Variants in ANK3 observed in about 807,000 individuals in gnomAD.
ANK3 encodes the protein ankyrin 3, also known as ankyrin-3.
Under a neutral mutation model 370.9 loss-of-function variants are expected in ANK3, and 57 were observed. The ratio of observed to expected loss-of-function variants is 0.15; its 90% CI spans 0.12 to 0.19. The LOEUF is 0.19. Ranked by LOEUF, ANK3 falls within the 10% of genes least tolerant of loss-of-function variation. The pLI, the probability that ANK3 is intolerant of heterozygous loss-of-function variation, is 1.00. For missense variants in ANK3, 4,439 were observed against 5,302.1 expected, an observed-to-expected ratio of 0.84 and a Z score of 5.06; for synonymous variants, 1,929 against 1,946.3, an observed-to-expected ratio of 0.99 and a Z score of 0.23.
In ANK3 at chr10:60,071,803, G is replaced by A. The variant is rs984372564; in HGVS notation, c.9078C>T (p.Ser3026=). 2 of 1,609,536 alleles carry A rather than the reference G, an allele frequency of 1.2e-6. No individual in the cohort carries two copies. The highest frequency in any genetic ancestry group is 1.1e-5 in the South Asian group (1 of 90,302). Reference sequence around the variant, plus strand: ...ATAAACCTACATAACTCTGGTGTTTGGAAACTTTGCTGATTTCTGAATAGG... The same window carrying A: ...ATAAACCTACATAACTCTGGTGTTTAGAAACTTTGCTGATTTCTGAATAGG... ...KVTYSEISKV[S]KHQSYVGLCP... The change falls in exon 37 of 44, where the codon TCC becomes TCT. Residue 3026 remains serine (S), a synonymous_variant. Coordinates refer to ENST00000280772, the MANE Select transcript of ANK3 (RefSeq NM_020987.5).
At chr10:60,478,378 A>T (rs555157389) in intron 2 of ANK3, among the ~76,000 whole-genome samples, 4 of 152,150 alleles carry the variant, frequency 2.6e-5, no homozygotes, top group South Asian at 4.1e-4. Context: ...TATATGATAG[A>T]TGATTTTAAT....
chr10:60,177,053 C>A (rs1214491203), intron 18 of ANK3, among the ~76,000 whole-genome samples: 2 of 152,180 alleles, frequency 1.3e-5, no homozygotes, highest in Non-Finnish European at 2.9e-5. Context: ...TTTTTAATAT[C>A]CCAAGTGCCC....
At chr10:60,187,374 C>T (rs1488601915) in intron 16 of ANK3, among the ~76,000 whole-genome samples, 2 of 152,096 alleles carry the variant, frequency 1.3e-5, no homozygotes, top group Non-Finnish European at 2.9e-5. Flanking sequence ...CCAGGATGGT[C>T]TCCATCTCCT....
At chr10:60,559,411 A>G (rs898071203) in intron 2 of ANK3, among the ~76,000 whole-genome samples, 19 of 152,146 alleles carry the variant, frequency 1.2e-4, no homozygotes, top group African/African-American at 4.3e-4. Context: ...ATGCTTTCCA[A>G]TTCCATCCAA....
chr10:60,250,567 A>G (rs142485569), intron 7 of ANK3, among the ~76,000 whole-genome samples: 26,484 of 151,850 alleles, frequency 0.17, 2,595 homozygotes, highest in South Asian at 0.35. Context: ...GAGTTTCACC[A>G]TGTTAGCCAG....
Position 60,075,382 on chromosome 10 carries a change from T to A in ANK3, c.5499A>T (p.Glu1833Asp). Reference protein sequence around the residue: ...PVYSVVNVLPEPALKKLPDSN... With the variant: ...PVYSVVNVLPDPALKKLPDSN... ...AGTCTGGAAGTTTCTTTAATGCTGG[T>A]TCTGGCAAAACATTGACTACAGAGT... The change falls in exon 37 of 44, where the codon GAA (glutamate) becomes GAT (aspartate). Residue 1833 changes from glutamate to aspartate, a missense_variant. Physicochemically the swap from Glu to Asp is conservative, Grantham distance 45 (BLOSUM62 2). This residue lies in a region of ANK3 where 679 missense variants were observed against 791.0 expected (regional missense o/e 0.86). Coordinates refer to ENST00000280772, the MANE Select transcript of ANK3 (RefSeq NM_020987.5). 6.2e-7 allele frequency: 1 copy of A among 1,614,080 alleles called. No homozygotes were observed. The highest frequency in any genetic ancestry group is 8.5e-7 in the Non-Finnish European group (1 of 1,180,004).
chr10:60,545,983 G>C (rs760990920), intron 2 of ANK3, among the ~76,000 whole-genome samples: 1 of 152,178 alleles, frequency 6.6e-6, no homozygotes. Flanking sequence ...CAGAAAGCAA[G>C]ACTCCTCTGC....
At position 60,257,087 on chromosome 10, in the gene ANK3, T is replaced by C. The variant is rs943389352; in HGVS notation, c.798+4772A>G. On this transcript the variant is annotated intron_variant, in intron 7 of 43. Transcript: ENST00000280772. ...AACTAATTTACGTTCCTACCAACAGTATATAAGTGCAGAAGAGAAGTCTAA... is the reference window on the plus strand; with the variant it reads ...AACTAATTTACGTTCCTACCAACAGCATATAAGTGCAGAAGAGAAGTCTAA... Among the ~76,000 whole-genome samples the C allele has an allele frequency of 5.3e-5, 8 of 152,194 alleles. No homozygotes were observed. In the South Asian group the frequency reaches 1.7e-3, roughly 32 times the overall value.
chr10:60,474,867 T>C (rs554891180), intron 2 of ANK3, among the ~76,000 whole-genome samples: 20 of 152,284 alleles, frequency 1.3e-4, no homozygotes, highest in African/African-American at 4.3e-4. Flanking sequence ...TATTTCTAAG[T>C]AGTGGGAATG....
intron 26 of ANK3, among the ~76,000 whole-genome samples, chr10:60,112,075 T>A (rs2092753250): frequency 6.6e-6 from 1 of 152,248 alleles, no homozygotes; most frequent in African/African-American, 2.4e-5. Context: ...TTGTCTTCAA[T>A]AACATTCAAG....
chr10:60,689,192 G>A (rs2079313246), intron 1 of ANK3, among the ~76,000 whole-genome samples: 1 of 152,130 alleles, frequency 6.6e-6, no homozygotes, highest in Admixed American at 6.5e-5. Flanking sequence ...TTGACCCCAG[G>A]AGTTTGAGAA....
At chr10:60,399,961 G>T (rs538153314) in intron 2 of ANK3, among the ~76,000 whole-genome samples, 1 of 151,642 alleles carries the variant, frequency 6.6e-6, no homozygotes, top group Admixed American at 6.6e-5. Context: ...AAATTAGCTT[G>T]AACAATCTAT....
intron 4 of ANK3, 107 bp from the exon 5 acceptor site, chr10:60,270,336 T>C: frequency 1.9e-6 from 1 of 539,196 alleles, no homozygotes; most frequent in Non-Finnish European, 3.0e-6. Context: ...ACAATAACTT[T>C]AATAATACTT....
intron 43 of ANK3, among the ~76,000 whole-genome samples, chr10:60,036,221 C>A (rs1564529550): frequency 6.6e-6 from 1 of 152,126 alleles, no homozygotes; most frequent in African/African-American, 2.4e-5. Context: ...GGATTTCAGA[C>A]ACTGCTGTTC....
In ANK3 at chr10:60,075,169, A is replaced by G; in HGVS notation, c.5712T>C (p.Asp1904=). 1 of 1,614,144 alleles carries G rather than the reference A, an allele frequency of 6.2e-7. No individual in the cohort carries two copies. Residue 1904 remains aspartate (D), a synonymous_variant, in exon 37 of 44, where the codon GAT becomes GAC. Coordinates refer to ENST00000280772, the MANE Select transcript of ANK3 (RefSeq NM_020987.5). The part of the protein sequence containing the change: ...SLSSSQEILK[D]VAEMKEDLMR... ...TTAGGTCCTCTTTCATTTCAGCTACATCTTTTAGTATCTCCTGACTGGAAG... is the reference window on the plus strand; with the variant it reads ...TTAGGTCCTCTTTCATTTCAGCTACGTCTTTTAGTATCTCCTGACTGGAAG...
intron 2 of ANK3, among the ~76,000 whole-genome samples, chr10:60,397,404 T>G (rs2132893270): frequency 6.6e-6 from 1 of 152,232 alleles, no homozygotes; most frequent in African/African-American, 2.4e-5. Flanking sequence ...ACATGTAGAG[T>G]TTATAGCCTC....
rs1470907514 is a variant in ANK3 at position 60,071,301 on chromosome 10, G to A, written c.9580C>T (p.Pro3194Ser). 2 of 1,613,948 alleles carry A rather than the reference G, an allele frequency of 1.2e-6. No homozygotes were observed. The highest frequency in any genetic ancestry group is 2.7e-5 in the African/African-American group (2 of 74,890). Residue 3194 changes from proline to serine, a missense_variant, in exon 37 of 44, where the codon CCA becomes TCA. Around this residue, in one of 13 missense-constraint regions of ANK3, gnomAD observed 1,601 missense variants for 1,731.7 expected, o/e 0.92. Coordinates refer to ENST00000280772, the MANE Select transcript of ANK3 (RefSeq NM_020987.5). ...TCGGGAATTGGGCTGGGTTTGCCTGGTATATAAGCTATGAGCGAGTCAGGT... is the reference window on the plus strand; with the variant it reads ...TCGGGAATTGGGCTGGGTTTGCCTGATATATAAGCTATGAGCGAGTCAGGT... ...KTPDSLIAYI[P>S]GKPSPIPEVS...
intron 1 of ANK3, among the ~76,000 whole-genome samples, chr10:60,697,787 A>T (rs895320623): frequency 6.6e-6 from 1 of 152,130 alleles, no homozygotes; most frequent in Non-Finnish European, 1.5e-5. Flanking sequence ...GTTAGACCTA[A>T]AACTATAAAA....
chr10:60,172,955 G>T lies in ANK3; in HGVS notation c.2327C>A (p.Thr776Lys). The T allele has an allele frequency of 6.2e-7, 1 of 1,613,838 alleles. No individual in the cohort carries two copies. The highest frequency in any genetic ancestry group is 8.5e-7 in the Non-Finnish European group (1 of 1,179,852). The change falls in exon 20 of 44, where the codon ACG becomes AAG. Residue 776 changes from threonine (T) to lysine (K), a missense_variant. Transcript: ENST00000280772. ...PLHQAAQQGH[T>K]HIINVLLQNN... ...CTGAAGTAAGACATTTATTATATGC[G>T]TATGCCCCTGCTGTGCTGCTTGATG...
Sources: allele counts gnomAD v4.1 joint callset (sites outside exome capture counted in the v4.1 genomes callset), GRCh38; gene constraint gnomAD v4.1.1; regional missense constraint gnomAD v4.1.1; transcripts MANE v1.5; gene names NCBI Gene and HGNC (gene_info 2026-07-23, HGNC 2026-07-21).